The following EHBP1 variants were observed in gnomAD, a reference collection of about 807,000 sequenced individuals.
EHBP1 encodes the protein EH domain binding protein 1, also known as EH domain-binding protein 1.
EHBP1 carries 55 observed loss-of-function variants against 144.0 expected under a neutral mutation model. The observed-to-expected ratio is 0.38, with a 90% CI of 0.31 to 0.48. EHBP1 has a LOEUF of 0.48. Ranked by LOEUF, EHBP1 falls within the 20% of genes least tolerant of loss-of-function variation. The probability of loss-of-function intolerance (pLI) is 0.98; values close to 1 mark genes in which losing one functional copy is unlikely to be tolerated. For missense variants in EHBP1, 1,200 were observed against 1,364.2 expected, an observed-to-expected ratio of 0.88 and a Z score of 1.90; for synonymous variants, 469 against 472.7, an observed-to-expected ratio of 0.99 and a Z score of 0.10.
At chr2:62,755,077 G>A (rs548238731) in intron 3 of EHBP1, among the ~76,000 whole-genome samples, 66 of 152,190 alleles carry the variant, frequency 4.3e-4, no homozygotes, top group Non-Finnish European at 4.3e-4. Context: ...CTTCTGCATC[G>A]CTCAACGCTG....
intron 10 of EHBP1, among the ~76,000 whole-genome samples, chr2:62,924,774 AAAG>A (rs1421855849): frequency 6.6e-6 from 1 of 152,228 alleles, no homozygotes; most frequent in African/African-American, 2.4e-5. Flanking sequence ...CCCAACCCTT[AAAG>A]AAGAATTAAT....
At chr2:62,955,360 C>A (rs1057462304) in intron 13 of EHBP1, among the ~76,000 whole-genome samples, 157 bp from the exon 14 acceptor site, 16 of 152,106 alleles carry the variant, frequency 1.1e-4, no homozygotes, top group African/African-American at 3.4e-4. Context: ...TCCACAGTTT[C>A]TAGTCAACAT....
intron 5 of EHBP1, 78 bp downstream of exon 5, chr2:62,771,470 G>A: frequency 9.0e-7 from 1 of 1,114,474 alleles, no homozygotes; most frequent in South Asian, 1.9e-5. Context: ...TGGCATTTTG[G>A]TGGTAGGAAA....
At chr2:62,734,970 G>C (rs1573029865) in intron 2 of EHBP1, among the ~76,000 whole-genome samples, 1 of 152,028 alleles carries the variant, frequency 6.6e-6, no homozygotes, top group Non-Finnish European at 1.5e-5. Flanking sequence ...GCGCGATCAC[G>C]GCACACTGCA....
At chr2:62,893,920 C>G (rs953033924) in intron 10 of EHBP1, among the ~76,000 whole-genome samples, 4 of 151,980 alleles carry the variant, frequency 2.6e-5, no homozygotes, top group African/African-American at 4.8e-5. Flanking sequence ...TGGTGCACAC[C>G]TATAATCCCA....
At chr2:62,989,636 C>G (rs1246106740) in intron 15 of EHBP1, among the ~76,000 whole-genome samples, 3 of 152,096 alleles carry the variant, frequency 2.0e-5, no homozygotes, top group African/African-American at 7.2e-5. Context: ...TTACGGCTCT[C>G]AAGCATGCCA....
intron 7 of EHBP1, among the ~76,000 whole-genome samples, chr2:62,857,808 TAA>T (rs930195486): frequency 6.6e-5 from 10 of 152,062 alleles, no homozygotes; most frequent in Admixed American, 2.0e-4. Context: ...GTTTTTATTA[TAA>T]GATTTTTCTA....
chr2:62,925,956 G>A (rs1394783860), intron 10 of EHBP1, among the ~76,000 whole-genome samples: 2 of 152,094 alleles, frequency 1.3e-5, no homozygotes, highest in Admixed American at 6.5e-5. Context: ...GCAATCATGA[G>A]CAAAAATAAC....
intron 5 of EHBP1, among the ~76,000 whole-genome samples, chr2:62,809,911 A>G (rs1192549188): frequency 1.3e-5 from 2 of 152,218 alleles, no homozygotes; most frequent in Non-Finnish European, 2.9e-5. Context: ...CAACATAAAG[A>G]TATTCACTGT....
In EHBP1 at chr2:62,707,306, C is replaced by G. The variant is rs1289377775; in HGVS notation, c.104+11C>G. ...GTGTACGAAGAAATGGTAAGATGTA[C>G]CTGGAGGTAGATTTTGCTGTGCTGT... On this transcript the variant is annotated intron_variant, in intron 2 of 22. Coordinates refer to ENST00000431489, the MANE Select transcript of EHBP1 (RefSeq NM_001142616.3). 1 of 1,601,882 alleles carries G rather than the reference C, an allele frequency of 6.2e-7. No homozygotes were observed. Among genetic ancestry groups the G allele is most frequent in the South Asian group, 1.1e-5 (1 of 90,834 alleles).
At chr2:62,825,546 A>T (rs2046285614) in intron 5 of EHBP1, among the ~76,000 whole-genome samples, 1 of 152,038 alleles carries the variant, frequency 6.6e-6, no homozygotes, top group South Asian at 2.1e-4. Context: ...GAACAATAAA[A>T]AAAAGGCCTG....
rs1350884822 is a variant in EHBP1 at position 62,864,661 on chromosome 2, A to G, written c.758-70A>G. ...TAATTCAATAATGCATATATTTGAG[A>G]ACACTAAACAATATTAGAAAATATC... On this transcript the variant is annotated intron_variant, in intron 8 of 22. Transcript: ENST00000431489. 2.8e-6 allele frequency: 4 copies of G among 1,441,264 alleles called. No individual in the cohort carries two copies. In the African/African-American group the frequency reaches 5.7e-5, roughly 21 times the overall value. The allele number at this position is 1,441,264 out of a possible 1,614,324, so 89.3% of individuals were successfully genotyped here. A position where few individuals can be genotyped will look rare whatever the true frequency, so the allele number is the denominator to read the frequency against.
At chr2:62,828,545 T>G (rs1269677131) in intron 6 of EHBP1, among the ~76,000 whole-genome samples, 2 of 152,192 alleles carry the variant, frequency 1.3e-5, no homozygotes, top group Non-Finnish European at 2.9e-5. Flanking sequence ...TTAAAGTGCT[T>G]TTCCTGCTAT....
rs540207665 is a variant in EHBP1 at position 62,773,104 on chromosome 2, C to T, written c.312+1712C>T. On this transcript the variant is annotated intron_variant, in intron 5 of 22. Transcript: ENST00000431489. ...ATATACTCTAAATTAGGGCAACTGT[C>T]ATAAATTATGAACTATATCAAAAGG... 1.8e-3 allele frequency among the ~76,000 whole-genome samples: 270 copies of T among 152,252 alleles called. 2 individuals are homozygous for T. Among genetic ancestry groups the T allele is most frequent in the African/African-American group, 6.2e-3 (256 of 41,548 alleles).
At chr2:62,757,503 G>A (rs1243838238) in intron 3 of EHBP1, among the ~76,000 whole-genome samples, 1 of 142,242 alleles carries the variant, frequency 7.0e-6, no homozygotes, top group Non-Finnish European at 1.5e-5. Flanking sequence ...GGATGATCTC[G>A]GCGCACTGCA....
At chr2:62,765,841 G>A (rs2041136938) in intron 4 of EHBP1, among the ~76,000 whole-genome samples, 1 of 152,142 alleles carries the variant, frequency 6.6e-6, no homozygotes, top group Non-Finnish European at 1.5e-5. Flanking sequence ...GCATCACACT[G>A]TATTACTTGC....
chr2:62,890,511 G>A (rs1196261956), intron 10 of EHBP1, among the ~76,000 whole-genome samples: 1 of 152,152 alleles, frequency 6.6e-6, no homozygotes, highest in African/African-American at 2.4e-5. Flanking sequence ...TTGTGAATGG[G>A]AGTTGGTTCT....
At chr2:62,949,284 C>A in intron 13 of EHBP1, 122 bp downstream of exon 13, 1 of 883,194 alleles carries the variant, frequency 1.1e-6, no homozygotes, top group Non-Finnish European at 1.6e-6. Flanking sequence ...ATTATAAAAA[C>A]TCCTGAGGCA....
At chr2:62,847,200 A>G (rs1403337059) in intron 7 of EHBP1, among the ~76,000 whole-genome samples, 3 of 152,230 alleles carry the variant, frequency 2.0e-5, no homozygotes, top group African/African-American at 7.2e-5. Context: ...TTGTCAGCAT[A>G]ATCCAGTGGG....
Sources: allele counts gnomAD v4.1 joint callset (sites outside exome capture counted in the v4.1 genomes callset), GRCh38; gene constraint gnomAD v4.1.1; transcripts MANE v1.5; gene names NCBI Gene and HGNC (gene_info 2026-07-23, HGNC 2026-07-21).